The following NLGN4X variants were observed in gnomAD, a reference collection of about 807,000 sequenced individuals.
NLGN4X encodes neuroligin-4, X-linked.
In NLGN4X, 3 loss-of-function variants were observed where a neutral mutation model predicts 40.3. The observed-to-expected ratio is 0.07, with a 90% CI of 0.03 to 0.19. The LOEUF is 0.19. NLGN4X is among the 10% of genes least tolerant of loss of function. The pLI is 1.00. For missense variants in NLGN4X, 382 were observed against 708.3 expected (o/e 0.54, Z 5.23); for synonymous variants, 270 against 306.8 (o/e 0.88, Z 1.25).
At chrX:6,072,681 T>A (rs900603617) in intron 2 of NLGN4X, among the ~76,000 whole-genome samples, 8 of 111,677 alleles carry the variant, frequency 7.2e-5, no homozygotes, top group Non-Finnish European at 3.8e-5. Flanking sequence ...GGAGTCCACC[T>A]CTGGGATGAC....
intron 3 of NLGN4X, among the ~76,000 whole-genome samples, chrX:5,959,957 C>A (rs1429622959): frequency 9.0e-6 from 1 of 110,981 alleles, no homozygotes; most frequent in Non-Finnish European, 1.9e-5. Flanking sequence ...CACTGTATGT[C>A]TAACTTATTC....
chrX:6,142,554 G>T (rs993711330), intron 2 of NLGN4X, among the ~76,000 whole-genome samples: 1 of 112,413 alleles, frequency 8.9e-6, no homozygotes, highest in Non-Finnish European at 1.9e-5. Flanking sequence ...TCACCTAGTT[G>T]CATGTTGATG....
intron 2 of NLGN4X, among the ~76,000 whole-genome samples, chrX:6,067,348 T>C (rs1335303980): frequency 9.0e-6 from 1 of 111,021 alleles, no homozygotes; most frequent in Non-Finnish European, 1.9e-5. Flanking sequence ...GGTTTTCCTC[T>C]TGCTTTGGTT....
At chrX:5,902,949 T>C (rs1487129044) in intron 5 of NLGN4X, 128 bp downstream of exon 5, 1 of 732,792 alleles carries the variant, frequency 1.4e-6, no homozygotes, top group Non-Finnish European at 2.1e-6. Context: ...TGTGTGTATG[T>C]GTGTGCATGC....
intron 3 of NLGN4X, among the ~76,000 whole-genome samples, chrX:5,938,618 G>T (rs1416522274): frequency 9.0e-6 from 1 of 110,610 alleles, no homozygotes; most frequent in Non-Finnish European, 1.9e-5. Context: ...TCAGGGTTAT[G>T]GGTTAACTCA....
chrX:5,975,080 T>G (rs1340901759), intron 3 of NLGN4X, among the ~76,000 whole-genome samples: 2 of 111,717 alleles, frequency 1.8e-5, no homozygotes, highest in Non-Finnish European at 3.8e-5. Context: ...TGCTGGAGAC[T>G]TCATCATGCT....
At chrX:6,162,919 G>C (rs141884062) in intron 1 of NLGN4X, among the ~76,000 whole-genome samples, 1,716 of 111,844 alleles carry the variant, frequency 0.015, 31 homozygotes, top group African/African-American at 0.05. Context: ...ATCTCATCTT[G>C]AATTGTAGCT....
At chrX:6,083,107 C>T (rs184612621) in intron 2 of NLGN4X, among the ~76,000 whole-genome samples, 2 of 101,911 alleles carry the variant, frequency 2.0e-5, no homozygotes, top group South Asian at 4.5e-4. Flanking sequence ...TACAGGTGCC[C>T]GCCACCTCGC....
intron 2 of NLGN4X, 43 bp downstream of exon 2, chrX:6,150,952 A>T (rs1386838820): frequency 9.3e-7 from 1 of 1,072,988 alleles, no homozygotes; most frequent in Non-Finnish European, 1.3e-6. Flanking sequence ...CTCTCTACAC[A>T]CTGCACAAGA....
At chrX:5,921,361 C>T (rs2033036548) in intron 3 of NLGN4X, among the ~76,000 whole-genome samples, 1 of 99,082 alleles carries the variant, frequency 1.0e-5, no homozygotes, top group South Asian at 5.3e-4. Context: ...CTGCTTCTCA[C>T]TGTATGACTC....
chrX:6,098,522 C>T (rs1483464742), intron 2 of NLGN4X, among the ~76,000 whole-genome samples: 1 of 110,612 alleles, frequency 9.0e-6, no homozygotes, highest in Non-Finnish European at 1.9e-5. Flanking sequence ...GGGTGCTGAT[C>T]CAATGCTTGA....
At chrX:5,991,753 G>T in intron 3 of NLGN4X, among the ~76,000 whole-genome samples, 2 of 112,060 alleles carry the variant, frequency 1.8e-5, no homozygotes, top group South Asian at 3.7e-4. Context: ...AGTTATAATT[G>T]AAATCAGCAG....
intron 2 of NLGN4X, among the ~76,000 whole-genome samples, chrX:6,083,541 G>A (rs1555968852): frequency 8.9e-6 from 1 of 112,358 alleles, no homozygotes; most frequent in South Asian, 3.7e-4. Context: ...ATAGTAGCTT[G>A]AAGGTAGGAG....
intron 1 of NLGN4X, among the ~76,000 whole-genome samples, chrX:6,180,662 G>C (rs1921339136): frequency 9.0e-6 from 1 of 111,231 alleles, no homozygotes; most frequent in Non-Finnish European, 1.9e-5. Flanking sequence ...TTGATTCTAG[G>C]TAACTAGCAC....
chrX:6,117,464 C>T lies in NLGN4X; in HGVS notation c.472+33531G>A, dbSNP rs778338017. Among the ~76,000 whole-genome samples, 78 of 111,137 alleles carry T rather than the reference C, an allele frequency of 7.0e-4. 1 individual carries two copies. Among genetic ancestry groups the T allele is most frequent in the African/African-American group, 2.4e-3 (74 of 30,278 alleles). On this transcript the variant is annotated intron_variant, in intron 2 of 5. Transcript: ENST00000381095. ...TCTTCTACACTTTCTCCTCCGTCTC[C>T]AGCTCCTCCACAACGTCCCATCTGT... is the stretch of plus-strand genomic sequence containing the variant.
chrX:5,982,162 TA>T (rs2035407129), intron 3 of NLGN4X, among the ~76,000 whole-genome samples: 2 of 112,071 alleles, frequency 1.8e-5, no homozygotes, highest in African/African-American at 6.5e-5. Context: ...TTGAAAAGTG[TA>T]AAGAAACTTG....
Position 5,892,035 on chromosome X carries a change from G to A in NLGN4X, c.*782C>T, listed in dbSNP as rs1474949919. On this transcript the variant is annotated 3_prime_UTR_variant, in exon 6 of 6. Transcript: ENST00000381095. ...GAAACAGAGGTGATATGACTAATGT[G>A]TGTGTGTGTGTGTATATATATATAT... The A allele has an allele frequency of 8.4e-6, 1 of 119,238 alleles. No individual in the cohort carries two copies. Among genetic ancestry groups the A allele is most frequent in the African/African-American group, 3.3e-5 (1 of 30,571 alleles). The allele number at this position is 119,238 out of a possible 1,213,427, so 9.8% of individuals were successfully genotyped here. A position where few individuals can be genotyped will look rare whatever the true frequency, so the allele number is the denominator to read the frequency against.
intron 2 of NLGN4X, among the ~76,000 whole-genome samples, chrX:6,032,162 A>T (rs1182141300): frequency 9.8e-6 from 1 of 101,607 alleles, no homozygotes; most frequent in Non-Finnish European, 2.0e-5. Flanking sequence ...CACTGTGAGC[A>T]GATTATCAGA....
intron 2 of NLGN4X, among the ~76,000 whole-genome samples, chrX:6,048,842 C>T (rs1230204399): frequency 1.0e-5 from 1 of 95,421 alleles, no homozygotes; most frequent in Admixed American, 1.2e-4. Flanking sequence ...TAGGGTCTGT[C>T]AGGGAGGGCG....
Sources: gnomAD v4.1 joint callset for allele counts (sites outside exome capture counted in the v4.1 genomes callset) on GRCh38, gnomAD v4.1.1 for gene constraint, MANE v1.5 for transcripts, NCBI Gene and HGNC (gene_info 2026-07-23, HGNC 2026-07-21) for gene names.